The following GALNTL6 variants were observed in gnomAD, a reference collection of about 807,000 sequenced individuals.
GALNTL6 encodes the protein polypeptide N-acetylgalactosaminyltransferase-like 6.
A neutral mutation model predicts 73.7 loss-of-function variants in GALNTL6; 46 were observed. That is an observed-to-expected ratio of 0.62 (90% CI 0.49 to 0.80). The LOEUF is 0.80. Among genes scored for constraint, GALNTL6 ranks in the 30% least tolerant of loss-of-function variants. The probability of loss-of-function intolerance (pLI) is 0.00; values close to 1 mark genes in which losing one functional copy is unlikely to be tolerated. For missense variants in GALNTL6, 604 were observed against 755.0 expected (o/e 0.80, Z 2.34); for synonymous variants, 259 against 263.7 (o/e 0.98, Z 0.17).
At chr4:172,719,770 G>A (rs981567874) in intron 5 of GALNTL6, among the ~76,000 whole-genome samples, 3 of 152,258 alleles carry the variant, frequency 2.0e-5, no homozygotes, top group South Asian at 2.1e-4. Flanking sequence ...CAAAGTGAAA[G>A]CAAGTTTATT....
Position 172,655,442 on chromosome 4 carries a change from G to C in GALNTL6, c.554-153919G>C, listed in dbSNP as rs35650476. ...TACTATTCACCAGACACTATTATAA[G>C]CCCTGTACCTGATCCTTAAGCCCCA... On this transcript the variant is annotated intron_variant, in intron 5 of 12. Transcript: ENST00000506823. 5.1e-3 allele frequency among the ~76,000 whole-genome samples: 780 copies of C among 152,246 alleles called. 5 individuals are homozygous for C. The highest frequency in any genetic ancestry group is 0.017 in the African/African-American group (710 of 41,538).
At chr4:172,015,970 T>C (rs1741182719) in intron 2 of GALNTL6, among the ~76,000 whole-genome samples, 1 of 133,788 alleles carries the variant, frequency 7.5e-6, no homozygotes, top group Non-Finnish European at 1.6e-5. Context: ...GGTTACCTGA[T>C]GCTTTTGTCT....
chr4:171,832,114 T>G (rs1734991307), intron 2 of GALNTL6, among the ~76,000 whole-genome samples: 1 of 151,374 alleles, frequency 6.6e-6, no homozygotes, highest in Admixed American at 6.6e-5. Flanking sequence ...TATGATATTT[T>G]CCATGGAAAT....
At chr4:172,476,131 A>C (rs2111471857) in intron 5 of GALNTL6, among the ~76,000 whole-genome samples, 1 of 152,358 alleles carries the variant, frequency 6.6e-6, no homozygotes. Context: ...AGATGCTAAA[A>C]CAAAATATCA....
Position 172,078,979 on chromosome 4 carries a change from T to C in GALNTL6, c.139-150677T>C, listed in dbSNP as rs1020713970. Among the ~76,000 whole-genome samples, 5 of 152,292 alleles carry C rather than the reference T, an allele frequency of 3.3e-5. No homozygotes were observed. In the South Asian group the frequency reaches 6.2e-4, roughly 19 times the overall value. On this transcript the variant is annotated intron_variant, in intron 2 of 12. Coordinates refer to ENST00000506823, the MANE Select transcript of GALNTL6 (RefSeq NM_001034845.3). Reference sequence around the variant, plus strand: ...TGATCATATTACTGTTTCAACAGTATTATTGCTGGTTTTGAGAGTTCTCAT... The same window carrying C: ...TGATCATATTACTGTTTCAACAGTACTATTGCTGGTTTTGAGAGTTCTCAT...
intron 5 of GALNTL6, among the ~76,000 whole-genome samples, chr4:172,638,852 T>G (rs1451985893): frequency 6.6e-6 from 1 of 152,186 alleles, no homozygotes; most frequent in Non-Finnish European, 1.5e-5. Context: ...TCATTCTTTC[T>G]TTGACTTTGA....
chr4:171,967,616 ATACT>A (rs1207883867), intron 2 of GALNTL6, among the ~76,000 whole-genome samples: 2 of 152,102 alleles, frequency 1.3e-5, no homozygotes, highest in Non-Finnish European at 2.9e-5. Flanking sequence ...TTATTTGGCA[ATACT>A]TACATGCCTC....
At chr4:172,030,296 C>G (rs919901009) in intron 2 of GALNTL6, among the ~76,000 whole-genome samples, 2 of 151,978 alleles carry the variant, frequency 1.3e-5, no homozygotes, top group African/African-American at 4.8e-5. Context: ...AAATATGATA[C>G]CTATTTTCTT....
chr4:172,268,779 C>T (rs779756213), intron 3 of GALNTL6, among the ~76,000 whole-genome samples: 17 of 152,130 alleles, frequency 1.1e-4, no homozygotes, highest in Admixed American at 9.8e-4. Flanking sequence ...GAAACAGGAG[C>T]TCATGCTCTC....
At chr4:172,613,275 A>G (rs182006724) in intron 5 of GALNTL6, among the ~76,000 whole-genome samples, 93 of 152,266 alleles carry the variant, frequency 6.1e-4, no homozygotes, top group African/African-American at 2.0e-3. Flanking sequence ...CAGATAAAGC[A>G]TAACTGGAAG....
At chr4:172,117,894 T>C (rs1158412542) in intron 2 of GALNTL6, among the ~76,000 whole-genome samples, 1 of 152,052 alleles carries the variant, frequency 6.6e-6, no homozygotes, top group Non-Finnish European at 1.5e-5. Flanking sequence ...AACTGCCAAT[T>C]CTGGAGATTT....
chr4:173,015,488 A>T (rs1752744156), intron 11 of GALNTL6, among the ~76,000 whole-genome samples: 1 of 152,228 alleles, frequency 6.6e-6, no homozygotes, highest in Non-Finnish European at 1.5e-5. Context: ...GCTGATAATG[A>T]TAAGGACAAT....
At chr4:172,501,576 G>A (rs1734261552) in intron 5 of GALNTL6, among the ~76,000 whole-genome samples, 1 of 152,092 alleles carries the variant, frequency 6.6e-6, no homozygotes, top group African/African-American at 2.4e-5. Context: ...AAACACTGAA[G>A]TTGCTAAGTA....
chr4:172,787,050 A>C (rs960557390), intron 5 of GALNTL6, among the ~76,000 whole-genome samples: 1 of 152,146 alleles, frequency 6.6e-6, no homozygotes, highest in African/African-American at 2.4e-5. Flanking sequence ...GCTGCCCACC[A>C]CTGCTACTGC....
intron 5 of GALNTL6, among the ~76,000 whole-genome samples, chr4:172,687,346 T>C (rs1376563529): frequency 6.6e-6 from 1 of 152,124 alleles, no homozygotes; most frequent in Non-Finnish European, 1.5e-5. Flanking sequence ...TAATAATTTC[T>C]TGGCCCGGCA....
At chr4:172,171,256 AT>A (rs1168386510) in intron 2 of GALNTL6, among the ~76,000 whole-genome samples, 4 of 151,618 alleles carry the variant, frequency 2.6e-5, no homozygotes, top group Admixed American at 2.0e-4. Context: ...CACATGAGTG[AT>A]TTTTTTTTCA....
chr4:172,163,351 G>C (rs573113271), intron 2 of GALNTL6, among the ~76,000 whole-genome samples: 2 of 151,802 alleles, frequency 1.3e-5, no homozygotes, highest in Admixed American at 6.6e-5. Context: ...TTTATCCTGT[G>C]ATTCTTTCCA....
intron 2 of GALNTL6, among the ~76,000 whole-genome samples, chr4:171,886,070 A>C (rs1736599537): frequency 6.6e-6 from 1 of 152,088 alleles, no homozygotes; most frequent in Admixed American, 6.5e-5. Context: ...TAACCACATA[A>C]AGTTGCTAAA....
intron 5 of GALNTL6, among the ~76,000 whole-genome samples, chr4:172,412,029 T>C (rs940959516): frequency 1.3e-5 from 2 of 151,750 alleles, no homozygotes; most frequent in Non-Finnish European, 2.9e-5. Flanking sequence ...TTATTTATTA[T>C]ATATTTATTT....
Sources: gnomAD v4.1 joint callset for allele counts (sites outside exome capture counted in the v4.1 genomes callset) on GRCh38, gnomAD v4.1.1 for gene constraint, MANE v1.5 for transcripts, NCBI Gene and HGNC (gene_info 2026-07-23, HGNC 2026-07-21) for gene names.